Variants in CRIM1 observed in about 807,000 individuals in gnomAD.
CRIM1 encodes cysteine-rich motor neuron 1 protein.
A neutral mutation model predicts 116.4 loss-of-function variants in CRIM1; 32 were observed. That is an observed-to-expected ratio of 0.27 (90% confidence interval 0.21 to 0.37). The LOEUF is 0.37. Among genes scored for constraint, CRIM1 ranks in the 10% least tolerant of loss-of-function variants. The pLI is 1.00. For missense variants in CRIM1, 1,331 were observed against 1,354.8 expected, an observed-to-expected ratio of 0.98 and a Z score of 0.28; for synonymous variants, 590 against 509.2, an observed-to-expected ratio of 1.16 and a Z score of -2.13.
At chr2:36,358,549 A>C (rs1669008505) in intron 1 of CRIM1, among the ~76,000 whole-genome samples, 1 of 152,112 alleles carries the variant, frequency 6.6e-6, no homozygotes, top group Non-Finnish European at 1.5e-5. Context: ...CACAGTATAG[A>C]GTTATTTTGG....
intron 8 of CRIM1, among the ~76,000 whole-genome samples, chr2:36,503,190 C>G (rs1047858632): frequency 4.6e-5 from 7 of 152,302 alleles, no homozygotes; most frequent in Middle Eastern, 3.4e-3. Context: ...GTATGCAACT[C>G]TCCTCTCAGG....
At chr2:36,482,847 A>G (rs558530045) in intron 7 of CRIM1, among the ~76,000 whole-genome samples, 59 of 152,264 alleles carry the variant, frequency 3.9e-4, no homozygotes, top group African/African-American at 1.3e-3. Context: ...GCGTGTTAGG[A>G]CCTCCAGGGA....
intron 2 of CRIM1, among the ~76,000 whole-genome samples, chr2:36,402,055 G>C (rs748943331): frequency 6.6e-6 from 1 of 152,170 alleles, no homozygotes; most frequent in African/African-American, 2.4e-5. Flanking sequence ...TTTATACAGG[G>C]CTGAAGGTCC....
chr2:36,460,926 T>C (rs1428591250), intron 4 of CRIM1, among the ~76,000 whole-genome samples: 1 of 152,134 alleles, frequency 6.6e-6, no homozygotes, highest in Non-Finnish European at 1.5e-5. Context: ...GGATGAGGAA[T>C]GTGCAGAGGC....
At chr2:36,357,889 G>A (rs931526916) in intron 1 of CRIM1, among the ~76,000 whole-genome samples, 1 of 152,202 alleles carries the variant, frequency 6.6e-6, no homozygotes, top group Non-Finnish European at 1.5e-5. Flanking sequence ...TGAAAAAGGA[G>A]GTGACAGCCT....
At chr2:36,538,329 A>C (rs1666699567) in intron 14 of CRIM1, among the ~76,000 whole-genome samples, 1 of 151,834 alleles carries the variant, frequency 6.6e-6, no homozygotes. Flanking sequence ...CTCCCTGGGG[A>C]CTGACCCCTA....
intron 1 of CRIM1, among the ~76,000 whole-genome samples, chr2:36,395,774 A>C (rs946238075): frequency 1.3e-5 from 2 of 152,080 alleles, no homozygotes; most frequent in South Asian, 4.2e-4. Context: ...GTTGGCAGTG[A>C]TGGATACTAT....
chr2:36,393,676 A>C (rs1318431989), intron 1 of CRIM1, among the ~76,000 whole-genome samples: 1 of 152,166 alleles, frequency 6.6e-6, no homozygotes, highest in African/African-American at 2.4e-5. Context: ...GCTTCTCAAA[A>C]GAGGTAACAT....
intron 1 of CRIM1, among the ~76,000 whole-genome samples, chr2:36,395,008 G>A (rs1671911197): frequency 7.4e-6 from 1 of 135,412 alleles, no homozygotes; most frequent in Non-Finnish European, 1.6e-5. Context: ...TGTTTGTACT[G>A]TCTTTTTTTT....
chr2:36,381,512 G>A (rs1032527337), intron 1 of CRIM1, among the ~76,000 whole-genome samples: 1 of 152,228 alleles, frequency 6.6e-6, no homozygotes, highest in Non-Finnish European at 1.5e-5. Context: ...AGAAGCAATT[G>A]TAGTAGGAGA....
At chr2:36,376,833 C>G (rs1248264738) in intron 1 of CRIM1, among the ~76,000 whole-genome samples, 2 of 152,266 alleles carry the variant, frequency 1.3e-5, no homozygotes, top group East Asian at 3.9e-4. Context: ...TAATGAACAC[C>G]AAGCTTCTTG....
At chr2:36,514,134 C>A (rs879533180) in intron 11 of CRIM1, among the ~76,000 whole-genome samples, 4 of 152,180 alleles carry the variant, frequency 2.6e-5, no homozygotes, top group Non-Finnish European at 5.9e-5. Context: ...GGGATTGGTA[C>A]TAGTTTTATC....
chr2:36,416,047 A>C (rs1360686754), intron 2 of CRIM1, among the ~76,000 whole-genome samples: 1 of 152,160 alleles, frequency 6.6e-6, no homozygotes, highest in Non-Finnish European at 1.5e-5. Context: ...GTCTCTACTA[A>C]AAATATAAAA....
intron 13 of CRIM1, among the ~76,000 whole-genome samples, chr2:36,535,175 G>A (rs1666452723): frequency 7.2e-6 from 1 of 139,718 alleles, no homozygotes; most frequent in African/African-American, 2.7e-5. Context: ...GAGGACAGGA[G>A]GGAGGGAGGG....
intron 14 of CRIM1, among the ~76,000 whole-genome samples, chr2:36,539,844 C>A (rs147910713): frequency 4.6e-5 from 7 of 152,132 alleles, no homozygotes; most frequent in African/African-American, 1.7e-4. Context: ...AGACAAATAT[C>A]TAATCTGGGC....
chr2:36,374,377 T>C (rs933993211), intron 1 of CRIM1, among the ~76,000 whole-genome samples: 2 of 152,240 alleles, frequency 1.3e-5, no homozygotes, highest in African/African-American at 4.8e-5. Flanking sequence ...GGGATAACTT[T>C]ACTAGACAGT....
At chr2:36,483,404 T>C (rs1679572322) in intron 7 of CRIM1, among the ~76,000 whole-genome samples, 1 of 152,236 alleles carries the variant, frequency 6.6e-6, no homozygotes. Context: ...AATTGTTATG[T>C]GTCAGGTTTA....
intron 12 of CRIM1, among the ~76,000 whole-genome samples, chr2:36,521,211 T>C (rs1665369858): frequency 1.3e-5 from 2 of 152,222 alleles, no homozygotes; most frequent in African/African-American, 4.8e-5. Flanking sequence ...TTGCAAGTTG[T>C]AACTAGATCT....
intron 7 of CRIM1, among the ~76,000 whole-genome samples, chr2:36,492,770 C>T (rs1022027021): frequency 6.6e-6 from 1 of 152,166 alleles, no homozygotes; most frequent in African/African-American, 2.4e-5. Flanking sequence ...ACTGCCATGT[C>T]AAGTCAGTGA....
Sources: allele counts gnomAD v4.1 joint callset (sites outside exome capture counted in the v4.1 genomes callset), GRCh38; gene constraint gnomAD v4.1.1; transcripts MANE v1.5; gene names NCBI Gene and HGNC (gene_info 2026-07-23, HGNC 2026-07-21).